Variants in ZBTB20 observed in about 807,000 individuals in gnomAD.
ZBTB20 encodes zinc finger and BTB domain-containing protein 20.
Under a neutral mutation model 56.9 loss-of-function variants are expected in ZBTB20, and 9 were observed. The ratio of observed to expected loss-of-function variants is 0.16; its 90% confidence interval spans 0.10 to 0.28. The LOEUF is 0.28. Among genes scored for constraint, ZBTB20 ranks in the 10% least tolerant of loss-of-function variants. The pLI is 1.00. For missense variants in ZBTB20, 655 were observed against 1,003.0 expected, an observed-to-expected ratio of 0.65 and a Z score of 4.69; for synonymous variants, 417 against 420.7, an observed-to-expected ratio of 0.99 and a Z score of 0.11.
At chr3:114,988,742 C>T (rs2078666554) in intron 2 of ZBTB20, among the ~76,000 whole-genome samples, 2 of 152,150 alleles carry the variant, frequency 1.3e-5, no homozygotes, top group Admixed American at 1.3e-4. Flanking sequence ...TCCTATTTCT[C>T]CACATCCTCT....
At chr3:114,628,070 T>C (rs2058741772) in intron 6 of ZBTB20, among the ~76,000 whole-genome samples, 1 of 152,200 alleles carries the variant, frequency 6.6e-6, no homozygotes, top group Admixed American at 6.5e-5. Flanking sequence ...ATAAACTCCA[T>C]AGTCTCTGCC....
intron 6 of ZBTB20, among the ~76,000 whole-genome samples, chr3:114,530,884 A>G (rs189755554): frequency 6.6e-6 from 1 of 151,950 alleles, no homozygotes; most frequent in African/African-American, 2.4e-5. Context: ...CTCTATCTCT[A>G]GTTTTCTCTC....
chr3:114,526,983 C>T (rs1011927564), intron 6 of ZBTB20, among the ~76,000 whole-genome samples: 3 of 151,818 alleles, frequency 2.0e-5, no homozygotes, highest in African/African-American at 7.2e-5. Context: ...TTTTCAAATC[C>T]AGGTGGGAAG....
rs150791829 is a variant in ZBTB20 at position 114,360,042 on chromosome 3, T to C, written c.200-8164A>G. Reference sequence around the variant, plus strand: ...TATAGTTAGGTAAGAAACTGATTTTTTGACTTTGGGAAAACTTTTCTCTGG... The same window carrying C: ...TATAGTTAGGTAAGAAACTGATTTTCTGACTTTGGGAAAACTTTTCTCTGG... On this transcript the variant is annotated intron_variant, in intron 10 of 11. Transcript: ENST00000675478. Among the ~76,000 whole-genome samples, 497 of 152,270 alleles carry C rather than the reference T, an allele frequency of 3.3e-3. 2 individuals are homozygous for C. The highest frequency in any genetic ancestry group is 0.011 in the African/African-American group (469 of 41,578).
At chr3:114,528,924 C>CT (rs1224231107) in intron 6 of ZBTB20, 1 of 152,188 alleles carries the variant, frequency 6.6e-6, no homozygotes, top group Non-Finnish European at 1.5e-5. Flanking sequence ...ACTGTGGGCT[C>CT]TACCCATGCA....
At chr3:114,990,587 C>T (rs2078760334) in intron 2 of ZBTB20, among the ~76,000 whole-genome samples, 1 of 152,108 alleles carries the variant, frequency 6.6e-6, no homozygotes, top group African/African-American at 2.4e-5. Context: ...GTGTCTCTGC[C>T]AGGCTTTGGT....
chr3:114,368,427 G>T (rs2082656308), intron 10 of ZBTB20, among the ~76,000 whole-genome samples: 1 of 152,130 alleles, frequency 6.6e-6, no homozygotes, highest in Non-Finnish European at 1.5e-5. Flanking sequence ...CATATCGGAG[G>T]GACCCGAGAG....
At chr3:114,580,979 G>T (rs1009816483) in intron 6 of ZBTB20, among the ~76,000 whole-genome samples, 4 of 151,740 alleles carry the variant, frequency 2.6e-5, no homozygotes, top group African/African-American at 9.7e-5. Context: ...AAGACCAAGG[G>T]AGCTAAAAGA....
chr3:114,581,693 A>G (rs922750179), intron 6 of ZBTB20, among the ~76,000 whole-genome samples: 1 of 132,356 alleles, frequency 7.6e-6, no homozygotes, highest in Non-Finnish European at 1.6e-5. Flanking sequence ...GCTTACAACT[A>G]AAAAAAAAAA....
chr3:115,118,862 G>A (rs2084100603), intron 1 of ZBTB20, among the ~76,000 whole-genome samples: 1 of 151,892 alleles, frequency 6.6e-6, no homozygotes, highest in African/African-American at 2.4e-5. Context: ...CTACAAAACA[G>A]CTTATGAAAC....
At chr3:114,670,733 C>A in intron 6 of ZBTB20, among the ~76,000 whole-genome samples, 1 of 151,994 alleles carries the variant, frequency 6.6e-6, no homozygotes. Context: ...AACATAAACC[C>A]TCTTAAAATA....
chr3:114,833,207 A>G (rs1383970866), intron 4 of ZBTB20, among the ~76,000 whole-genome samples: 1 of 152,172 alleles, frequency 6.6e-6, no homozygotes, highest in Admixed American at 6.6e-5. Flanking sequence ...AAGTTATTAC[A>G]GTACAACTCA....
chr3:115,146,338 G>A (rs1307361698), intron 1 of ZBTB20, among the ~76,000 whole-genome samples: 1 of 137,544 alleles, frequency 7.3e-6, no homozygotes, highest in Non-Finnish European at 1.6e-5. Flanking sequence ...CCTGCCTCCT[G>A]CCTCTTCAGC....
chr3:114,723,272 G>A (rs1252603454), intron 5 of ZBTB20, among the ~76,000 whole-genome samples: 2 of 151,966 alleles, frequency 1.3e-5, no homozygotes, highest in African/African-American at 4.8e-5. Context: ...AAACCCCACA[G>A]CATTTTACAA....
At chr3:114,507,001 G>A (rs997599018) in intron 6 of ZBTB20, among the ~76,000 whole-genome samples, 7 of 152,174 alleles carry the variant, frequency 4.6e-5, no homozygotes, top group Non-Finnish European at 7.4e-5. Context: ...AATGCTGTCC[G>A]TCTATTTTAG....
chr3:114,682,565 ATTGATGAAT>A (rs568080136), intron 6 of ZBTB20, among the ~76,000 whole-genome samples: 75 of 152,312 alleles, frequency 4.9e-4, no homozygotes, highest in Admixed American at 7.2e-4. Flanking sequence ...GCTTACCATA[ATTGATGAAT>A]TCAAAACTAA....
chr3:114,383,207 T>C (rs1366297281), intron 8 of ZBTB20, among the ~76,000 whole-genome samples: 1 of 152,178 alleles, frequency 6.6e-6, no homozygotes, highest in East Asian at 1.9e-4. Context: ...TCATGATTCA[T>C]TTAAATATAG....
At chr3:114,402,169 T>C (rs758245888) in intron 7 of ZBTB20, among the ~76,000 whole-genome samples, 1 of 152,180 alleles carries the variant, frequency 6.6e-6, no homozygotes, top group Non-Finnish European at 1.5e-5. Flanking sequence ...AACCAAAGAA[T>C]GTTTTAGGGC....
intron 3 of ZBTB20, among the ~76,000 whole-genome samples, chr3:114,950,813 G>T (rs1418395386): frequency 6.6e-6 from 1 of 152,066 alleles, no homozygotes; most frequent in Non-Finnish European, 1.5e-5. Flanking sequence ...TAATAGAATT[G>T]TGATTATATT....
Sources: allele counts gnomAD v4.1 joint callset (sites outside exome capture counted in the v4.1 genomes callset), GRCh38; gene constraint gnomAD v4.1.1; transcripts MANE v1.5; gene names NCBI Gene and HGNC (gene_info 2026-07-23, HGNC 2026-07-21).